The following DIPK2B variants were observed in gnomAD, a reference collection of about 807,000 sequenced individuals.
The protein encoded by DIPK2B is UPF0672 protein CXorf36.
In DIPK2B, 15 loss-of-function variants were observed where a neutral mutation model predicts 22.2. The observed-to-expected ratio is 0.68, with a 90% CI of 0.45 to 1.04. The LOEUF is 1.04. Ranked by LOEUF, DIPK2B falls within the 50% of genes least tolerant of loss-of-function variation. DIPK2B has a pLI of 0.00. For synonymous variants in DIPK2B, 163 were observed against 153.2 expected (o/e 1.06, Z -0.47); for missense variants, 345 against 348.3 (o/e 0.99, Z 0.08).
intron 1 of DIPK2B, among the ~76,000 whole-genome samples, chrX:45,193,431 GT>G (rs904905554): frequency 2.3e-4 from 26 of 111,769 alleles, no homozygotes; most frequent in Non-Finnish European, 4.1e-4. Flanking sequence ...AGACTGTGTT[GT>G]TTTTTTCTCT....
intron 2 of DIPK2B, among the ~76,000 whole-genome samples, chrX:45,187,999 C>G (rs984880624): frequency 9.0e-6 from 1 of 111,315 alleles, no homozygotes; most frequent in African/African-American, 3.3e-5. Context: ...AGAGAGAATC[C>G]CAGGATACTG....
intron 2 of DIPK2B, among the ~76,000 whole-genome samples, chrX:45,186,410 T>C (rs1356601293): frequency 9.0e-6 from 1 of 111,673 alleles, no homozygotes; most frequent in Non-Finnish European, 1.9e-5. Flanking sequence ...AGCCAGAGGA[T>C]GTGCGCTGAT....
intron 2 of DIPK2B, among the ~76,000 whole-genome samples, chrX:45,160,334 A>G (rs2047016415): frequency 9.1e-6 from 1 of 110,313 alleles, no homozygotes; most frequent in Non-Finnish European, 1.9e-5. Context: ...CAGCCTCCCA[A>G]GTAGCTGGGA....
At chrX:45,152,075 G>C (rs2046965240) in intron 4 of DIPK2B, 83 bp from the exon 5 acceptor site, 2 of 949,720 alleles carry the variant, frequency 2.1e-6, no homozygotes, top group African/African-American at 3.9e-5. Flanking sequence ...TTCCTGGGTG[G>C]GGCCGGGCGC....
intron 2 of DIPK2B, among the ~76,000 whole-genome samples, chrX:45,170,660 C>G (rs756493706): frequency 4.5e-5 from 5 of 112,173 alleles, no homozygotes; most frequent in Non-Finnish European, 9.4e-5. Context: ...AGAGGAGGAA[C>G]TATTGAAACC....
At chrX:45,161,130 C>A (rs781585029) in intron 2 of DIPK2B, among the ~76,000 whole-genome samples, 1 of 112,492 alleles carries the variant, frequency 8.9e-6, no homozygotes, top group South Asian at 3.7e-4. Context: ...CCATCTTGGA[C>A]CAGGGCACAC....
intron 2 of DIPK2B, among the ~76,000 whole-genome samples, chrX:45,190,591 C>G (rs1197658116): frequency 8.9e-6 from 1 of 112,043 alleles, no homozygotes; most frequent in Non-Finnish European, 1.9e-5. Flanking sequence ...CAGGATGTTG[C>G]AGCACAGTTG....
At chrX:45,170,650 A>G (rs1332060823) in intron 2 of DIPK2B, among the ~76,000 whole-genome samples, 3 of 112,251 alleles carry the variant, frequency 2.7e-5, no homozygotes, top group Non-Finnish European at 5.6e-5. Context: ...TTGTTAAATC[A>G]GAGGAGGAAC....
chrX:45,188,525 G>C (rs1315673335), intron 2 of DIPK2B, among the ~76,000 whole-genome samples: 1 of 112,445 alleles, frequency 8.9e-6, no homozygotes, highest in Non-Finnish European at 1.9e-5. Context: ...AAGTGAATGG[G>C]TCACAGAATA....
chrX:45,155,961 CTTT>C (rs757375184), intron 3 of DIPK2B, among the ~76,000 whole-genome samples: 6 of 55,257 alleles, frequency 1.1e-4, no homozygotes, highest in Admixed American at 2.8e-4. Context: ...AAGGGGACCT[CTTT>C]TTTTTTTTTT....
At chrX:45,196,400 G>T (rs1193028878) in intron 1 of DIPK2B, among the ~76,000 whole-genome samples, 1 of 111,576 alleles carries the variant, frequency 9.0e-6, no homozygotes, top group African/African-American at 3.3e-5. Context: ...CCCCTGAGTT[G>T]ATGTGAAGAA....
Position 45,153,631 on chromosome X carries a change from C to T in DIPK2B, c.961+279G>A, listed in dbSNP as rs73477125. Among the ~76,000 whole-genome samples the T allele has an allele frequency of 7.9e-3, 868 of 109,736 alleles. 15 individuals are homozygous for T. Among genetic ancestry groups the T allele is most frequent in the African/African-American group, 0.028 (831 of 30,083 alleles). ...TAGACCCAATTGCACAACAGCACTG[C>T]CCTGGGAGGGTGCAGCTGGGGCTGT... On this transcript the variant is annotated intron_variant, in intron 4 of 4. Coordinates refer to ENST00000398000, the MANE Select transcript of DIPK2B (RefSeq NM_176819.4).
chrX:45,197,332 G>T (rs1376876736), intron 1 of DIPK2B, among the ~76,000 whole-genome samples: 2 of 110,847 alleles, frequency 1.8e-5, no homozygotes, highest in African/African-American at 6.6e-5. Context: ...CCGCCTCCCG[G>T]GTTCAAGCAA....
rs2047212523 is a variant in DIPK2B at position 45,191,795 on chromosome X, G to A, written c.454C>T (p.Gln152Ter). The change falls in exon 2 of 5, where the codon CAG (glutamine) becomes TAG (stop). Residue 152 changes from glutamine (Q) to a stop codon, truncating the protein, a stop_gained. Coordinates refer to ENST00000398000, the MANE Select transcript of DIPK2B (RefSeq NM_176819.4). LOFTEE classifies it high-confidence loss of function. ...AGGCGCTTGGCCTGCAGCCATTTCT[G>A]GAACCTCTCTGTTTTCCGCAGGACA... is the stretch of plus-strand genomic sequence containing the variant. The part of the protein sequence containing the change: ...ERVLRKTERF[Q>*]KWLQAKRLTP... The A allele has an allele frequency of 8.3e-7, 1 of 1,210,406 alleles. No homozygotes were observed.
intron 1 of DIPK2B, among the ~76,000 whole-genome samples, chrX:45,198,051 A>G (rs1036154476): frequency 5.3e-5 from 6 of 112,659 alleles, no homozygotes; most frequent in African/African-American, 1.6e-4. Context: ...GTTAAAAATC[A>G]AAGTGTGTGG....
intron 2 of DIPK2B, among the ~76,000 whole-genome samples, chrX:45,187,361 A>G (rs1205533658): frequency 1.8e-5 from 2 of 111,903 alleles, no homozygotes; most frequent in Non-Finnish European, 3.8e-5. Context: ...TTTGTGGGCT[A>G]GTAATTTAGG....
At chrX:45,169,098 T>G (rs915255509) in intron 2 of DIPK2B, among the ~76,000 whole-genome samples, 6 of 111,610 alleles carry the variant, frequency 5.4e-5, no homozygotes, top group African/African-American at 2.0e-4. Flanking sequence ...AGGATATTTT[T>G]GAGAGTGAAT....
At chrX:45,194,084 A>G (rs2047226191) in intron 1 of DIPK2B, among the ~76,000 whole-genome samples, 1 of 111,849 alleles carries the variant, frequency 8.9e-6, no homozygotes, top group Non-Finnish European at 1.9e-5. Flanking sequence ...CAATAAACCT[A>G]TGAGGCTGAT....
chrX:45,157,073 T>A (rs1427024182), intron 3 of DIPK2B, among the ~76,000 whole-genome samples: 2 of 110,426 alleles, frequency 1.8e-5, no homozygotes, highest in Admixed American at 9.7e-5. Context: ...TTTGTGTCCT[T>A]TATGTGACCC....
Sources: gnomAD v4.1 joint callset for allele counts (sites outside exome capture counted in the v4.1 genomes callset) on GRCh38, gnomAD v4.1.1 for gene constraint, MANE v1.5 for transcripts, NCBI Gene and HGNC (gene_info 2026-07-23, HGNC 2026-07-21) for gene names.